Variants in ITGA1 observed in about 807,000 individuals in gnomAD.
ITGA1 encodes the protein integrin alpha-1.
A neutral mutation model predicts 145.9 loss-of-function variants in ITGA1; 85 were observed. That is an observed-to-expected ratio of 0.58 (90% CI 0.49 to 0.70). The LOEUF is 0.70. Among genes scored for constraint, ITGA1 ranks in the 30% least tolerant of loss-of-function variants. ITGA1 has a pLI of 0.00. For missense variants in ITGA1, 1,351 were observed against 1,418.7 expected (o/e 0.95, Z 0.77); for synonymous variants, 520 against 495.3 (o/e 1.05, Z -0.66).
chr5:52,843,557 A>T (rs1349694585), intron 1 of ITGA1, among the ~76,000 whole-genome samples: 3 of 152,218 alleles, frequency 2.0e-5, no homozygotes, highest in Non-Finnish European at 4.4e-5. Flanking sequence ...AAGGATGCGT[A>T]CAAGAGGGTG....
chr5:52,824,195 C>T (rs1252146499), intron 1 of ITGA1: 1 of 151,820 alleles, frequency 6.6e-6, no homozygotes, highest in Middle Eastern at 3.2e-3. Context: ...TGAATATGTA[C>T]ATGATTCATC....
At position 52,801,464 on chromosome 5, in the gene ITGA1, C is replaced by T. The variant is rs775396002; in HGVS notation, c.61+13050C>T. On this transcript the variant is annotated intron_variant, in intron 1 of 28. Coordinates refer to ENST00000282588, the MANE Select transcript of ITGA1 (RefSeq NM_181501.2). The stretch of plus-strand genomic sequence containing the variant: ...CTGAAAGAGGCCCTTTGTGACCCTA[C>T]TGTGGCTAGCCGCCTTTCAGACACT... The T allele has an allele frequency of 2.1e-5, 34 of 1,614,060 alleles. No homozygotes were observed. In the East Asian group the frequency reaches 6.5e-4, roughly 31 times the overall value.
chr5:52,927,027 T>C (rs1750822689), intron 19 of ITGA1, among the ~76,000 whole-genome samples: 1 of 152,192 alleles, frequency 6.6e-6, no homozygotes, highest in African/African-American at 2.4e-5. Flanking sequence ...TATGGGTATG[T>C]AAAAATAATG....
intron 3 of ITGA1, chr5:52,864,037 A>G (rs1459833177): frequency 2.0e-5 from 3 of 152,200 alleles, no homozygotes; most frequent in Non-Finnish European, 4.4e-5. Flanking sequence ...AATCTTTCTC[A>G]ACCTGAATTT....
chr5:52,893,788 G>A lies in ITGA1; in HGVS notation c.1038G>A (p.Leu346=). 1 of 1,612,674 alleles carries A rather than the reference G, an allele frequency of 6.2e-7. No individual in the cohort carries two copies. The highest frequency in any genetic ancestry group is 8.5e-7 in the Non-Finnish European group (1 of 1,178,998). ...ATTTCTTCAATGTCTCTGATGAATT[G>A]GCTCTAGTCACCATTGTTAAAACTC... is the stretch of plus-strand genomic sequence containing the variant. The part of the protein sequence containing the change: ...EKHFFNVSDE[L]ALVTIVKTLG... Residue 346 remains leucine, a synonymous_variant, in exon 9 of 29, where the codon TTG becomes TTA. Transcript: ENST00000282588.
intron 1 of ITGA1, among the ~76,000 whole-genome samples, chr5:52,794,444 T>C (rs1748299951): frequency 6.6e-6 from 1 of 151,584 alleles, no homozygotes; most frequent in African/African-American, 2.4e-5. Flanking sequence ...ACATTTTACT[T>C]ATAATATTTT....
chr5:52,891,541 T>C (rs550817086), intron 8 of ITGA1, among the ~76,000 whole-genome samples: 6 of 134,136 alleles, frequency 4.5e-5, no homozygotes, highest in Non-Finnish European at 9.5e-5. Flanking sequence ...TTGTTATAAA[T>C]GTATCATGAA....
At chr5:52,902,282 G>C (rs1750327842) in intron 11 of ITGA1, 1 of 152,202 alleles carries the variant, frequency 6.6e-6, no homozygotes, top group Non-Finnish European at 1.5e-5. Flanking sequence ...ACTGCCTTAT[G>C]CCAATACAGG....
In ITGA1 at chr5:52,865,716, A is replaced by G. The variant is rs138162192; in HGVS notation, c.523A>G (p.Ile175Val). ...QECSTQLDIV[I>V]VLDGSNSIYP... ...ATGCAGCACTCAACTGGACATAGTCATAGTGCTGGATGGTTCCAACAGTAT... is the reference window on the plus strand; with the variant it reads ...ATGCAGCACTCAACTGGACATAGTCGTAGTGCTGGATGGTTCCAACAGTAT... Residue 175 changes from isoleucine (I) to valine (V), a missense_variant, in exon 6 of 29, where the codon ATA becomes GTA. Ile to Val is a conservative substitution (Grantham distance 29, BLOSUM62 3). Coordinates refer to ENST00000282588, the MANE Select transcript of ITGA1 (RefSeq NM_181501.2). 12 of 1,576,572 alleles carry G rather than the reference A, an allele frequency of 7.6e-6. No individual in the cohort carries two copies. Among genetic ancestry groups the G allele is most frequent in the African/African-American group, 1.4e-5 (1 of 72,062 alleles).
chr5:52,862,218 CAAA>C lies in ITGA1; in HGVS notation c.295+674_295+676del, dbSNP rs11323830. Among the ~76,000 whole-genome samples, 12 of 96,488 alleles carry C rather than the reference CAAA, an allele frequency of 1.2e-4. No individual in the cohort carries two copies. In the South Asian group the frequency reaches 1.3e-3, roughly 11 times the overall value. 63.3% of individuals were successfully genotyped at this position (96,488 alleles called of 152,430 possible). A position where few individuals can be genotyped will look rare whatever the true frequency, so the allele number is the denominator to read the frequency against. On this transcript the variant is annotated intron_variant, in intron 3 of 28. Transcript: ENST00000282588. Reference sequence around the variant, plus strand: ...GAGGAACAAGAGCAAAACTCCATCTCAAAAAAAAAAAAAAAAAGAAAAGAAAAA... The same window carrying C: ...GAGGAACAAGAGCAAAACTCCATCTCAAAAAAAAAAAAAAGAAAAGAAAAA...
At chr5:52,952,186 CAA>C (rs541608561) in intron 28 of ITGA1, among the ~76,000 whole-genome samples, 26 of 130,986 alleles carry the variant, frequency 2.0e-4, no homozygotes, top group South Asian at 2.4e-4. Flanking sequence ...GAGACTGTCT[CAA>C]AAAAAAAAAA....
intron 7 of ITGA1, among the ~76,000 whole-genome samples, chr5:52,887,259 A>T (rs1477808220): frequency 1.3e-5 from 2 of 152,298 alleles, no homozygotes; most frequent in Admixed American, 6.5e-5. Context: ...GAAAGACTGC[A>T]GATGTCCCTA....
At position 52,953,358 on chromosome 5, in the gene ITGA1, TTTTGAA is replaced by T. The variant is rs1365362230; in HGVS notation, c.*909_*914del. The stretch of plus-strand genomic sequence containing the variant: ...GCTGAAATTATCTTTGCTGAGCAGC[TTTTGAA>T]TGCTAAGGGTTCCAGTATGTGACCC... On this transcript the variant is annotated 3_prime_UTR_variant, in exon 29 of 29. Coordinates refer to ENST00000282588, the MANE Select transcript of ITGA1 (RefSeq NM_181501.2). The T allele has an allele frequency of 6.6e-6, 1 of 152,228 alleles. No homozygotes were observed. The highest frequency in any genetic ancestry group is 1.9e-4 in the East Asian group (1 of 5,200). 9.4% of individuals were successfully genotyped at this position (152,228 alleles called of 1,614,324 possible). A position where few individuals can be genotyped will look rare whatever the true frequency, so the allele number is the denominator to read the frequency against.
chr5:52,884,958 C>T (rs577174578), intron 7 of ITGA1, among the ~76,000 whole-genome samples: 16 of 152,252 alleles, frequency 1.1e-4, no homozygotes, highest in South Asian at 2.1e-4. Flanking sequence ...CAGGTACCCA[C>T]GATTTGTCCA....
chr5:52,835,894 T>A (rs1178827004), intron 1 of ITGA1, among the ~76,000 whole-genome samples: 5 of 152,224 alleles, frequency 3.3e-5, no homozygotes, highest in African/African-American at 1.2e-4. Flanking sequence ...AATTGTCCAA[T>A]GCACATTCTT....
At chr5:52,873,400 C>T (rs1749815320) in intron 6 of ITGA1, among the ~76,000 whole-genome samples, 1 of 152,192 alleles carries the variant, frequency 6.6e-6, no homozygotes, top group South Asian at 2.1e-4. Flanking sequence ...TTCATTGTAG[C>T]ATCTTCCATG....
At chr5:52,836,288 A>T (rs988276873) in intron 1 of ITGA1, among the ~76,000 whole-genome samples, 1 of 152,234 alleles carries the variant, frequency 6.6e-6, no homozygotes, top group Non-Finnish European at 1.5e-5. Flanking sequence ...TGGTCCATCC[A>T]GACAAAATAG....
chr5:52,801,177 A>G, intron 1 of ITGA1: 1 of 1,478,884 alleles, frequency 6.8e-7, no homozygotes, highest in Non-Finnish European at 9.1e-7. Flanking sequence ...GGTATAAACT[A>G]CTCCTAAAGT....
At chr5:52,862,736 T>C (rs990599524) in intron 3 of ITGA1, among the ~76,000 whole-genome samples, 4 of 152,198 alleles carry the variant, frequency 2.6e-5, no homozygotes, top group Non-Finnish European at 2.9e-5. Context: ...AGTAGGAATG[T>C]GACCGGAAAA....
Sources: gnomAD v4.1 joint callset for allele counts (sites outside exome capture counted in the v4.1 genomes callset) on GRCh38, gnomAD v4.1.1 for gene constraint, MANE v1.5 for transcripts, NCBI Gene and HGNC (gene_info 2026-07-23, HGNC 2026-07-21) for gene names.